COL17A1: variants seen among roughly 807,000 people sequenced by gnomAD.
COL17A1 encodes the protein collagen type XVII alpha 1 chain.
A neutral mutation model predicts 218.4 loss-of-function variants in COL17A1; 181 were observed. That is an observed-to-expected ratio of 0.83 (90% CI 0.73 to 0.94). The LOEUF (loss-of-function observed/expected upper bound fraction) is 0.94. Among genes scored for constraint, COL17A1 ranks in the 40% least tolerant of loss-of-function variants. The pLI, the probability that COL17A1 is intolerant of heterozygous loss-of-function variation, is 0.00. For missense variants in COL17A1, 1,924 were observed against 1,945.9 expected (o/e 0.99, Z 0.21); for synonymous variants, 721 against 731.0 (o/e 0.99, Z 0.22).
chr10:104,045,740 A>G lies in COL17A1; in HGVS notation c.2398+18T>C. ...TGGCCAGTGAAAAGAAAGAAATCTC[A>G]TTTGGAAATTCACTTACCTTTTATT... On this transcript the variant is annotated intron_variant, in intron 33 of 55. Coordinates refer to ENST00000648076, the MANE Select transcript of COL17A1 (RefSeq NM_000494.4). The G allele has an allele frequency of 6.2e-7, 1 of 1,602,470 alleles. No individual in the cohort carries two copies. The highest frequency in any genetic ancestry group is 8.6e-7 in the Non-Finnish European group (1 of 1,169,370).
rs372717490 is a variant in COL17A1 at position 104,043,753 on chromosome 10, C to T, written c.2434+72G>A. 807 of 1,584,016 alleles carry T rather than the reference C, an allele frequency of 5.1e-4. 2 individuals carry two copies. The highest frequency in any genetic ancestry group is 6.3e-4 in the Non-Finnish European group (731 of 1,152,706). Reference sequence around the variant, plus strand: ...ACTCCCAGCCACATCCTGCCCAGAACGCTGCAGAGTCAAGGTAGGTGCCCA... The same window carrying T: ...ACTCCCAGCCACATCCTGCCCAGAATGCTGCAGAGTCAAGGTAGGTGCCCA... On this transcript the variant is annotated intron_variant, in intron 34 of 55. Transcript: ENST00000648076.
At position 104,076,361 on chromosome 10, in the gene COL17A1, G is replaced by A. The variant is rs1321190167; in HGVS notation, c.271C>T (p.Pro91Ser). Residue 91 changes from proline to serine, a missense_variant, in exon 5 of 56, where the codon CCC (proline) becomes TCC (serine). Physicochemically the swap from Pro to Ser is moderately conservative, Grantham distance 74. Coordinates refer to ENST00000648076, the MANE Select transcript of COL17A1 (RefSeq NM_000494.4). The part of the protein sequence containing the change: ...RRAHSPASTL[P>S]NSPGSTFERK... ...TCAAAGGTTGAGCCTGGGGAGTTGG[G>A]CAGAGTGGAGGCAGGTGAGTGAGCC... 1.9e-6 allele frequency: 3 copies of A among 1,614,092 alleles called. No homozygotes were observed. The highest frequency in any genetic ancestry group is 2.5e-6 in the Non-Finnish European group (3 of 1,180,034).
intron 9 of COL17A1, among the ~76,000 whole-genome samples, chr10:104,069,103 A>G (rs12253323): frequency 0.04 from 6,034 of 152,300 alleles, 394 homozygotes; most frequent in African/African-American, 0.14. Flanking sequence ...AGAATAAACA[A>G]AAAAGTAGTT....
rs550772409 is a variant in COL17A1 at position 104,038,975 on chromosome 10, G to C, written c.2947+96C>G. 1.8e-5 allele frequency: 24 copies of C among 1,330,794 alleles called. 1 individual carries two copies. The South Asian group carries it at 2.5e-4, about 14-fold the overall frequency. 82.4% of individuals were successfully genotyped at this position (1,330,794 alleles called of 1,614,324 possible). ...GACAGCCAATCAACAACGAATCATG[G>C]AGAAATGAATGAACGAATAGAGCAA... On this transcript the variant is annotated intron_variant, in intron 44 of 55. Transcript: ENST00000648076.
At chr10:104,035,988 G>A (rs575739277) in intron 48 of COL17A1, among the ~76,000 whole-genome samples, 10 of 145,806 alleles carry the variant, frequency 6.9e-5, no homozygotes, top group South Asian at 2.3e-4. Flanking sequence ...ATGGGAATGC[G>A]TGTGTGTATG....
chr10:104,044,344 G>A (rs962870040), intron 33 of COL17A1, among the ~76,000 whole-genome samples: 4 of 152,210 alleles, frequency 2.6e-5, no homozygotes, highest in African/African-American at 9.6e-5. Flanking sequence ...GAAGGTCTGA[G>A]TTATATAAAG....
chr10:104,033,991 A>G lies in COL17A1; in HGVS notation c.4110T>C (p.Asp1370=). 1.2e-6 allele frequency: 2 copies of G among 1,614,078 alleles called. No homozygotes were observed. The highest frequency in any genetic ancestry group is 3.3e-5 in the Admixed American group (2 of 60,024). The change falls in exon 52 of 56, where the codon GAT becomes GAC. Residue 1370 remains aspartate, a synonymous_variant. Coordinates refer to ENST00000648076, the MANE Select transcript of COL17A1 (RefSeq NM_000494.4). ...GGLLGADFAG[D]LDYNELAVRV... ...TCACAGCCAGCTCATTGTAATCCAG[A>G]TCTCCAGCAAAGTCAGCTCCCAATA...
chr10:104,050,257 AG>A (rs545725326), intron 27 of COL17A1, 133 bp from the exon 28 acceptor site: 5 of 1,339,496 alleles, frequency 3.7e-6, no homozygotes, highest in Non-Finnish European at 5.2e-6. Context: ...GATGTTGGTG[AG>A]GACACAGCAT....
rs149685665 is a variant in COL17A1, at chr10:104,077,438, G to T, written c.186C>A (p.Ser62Arg). The T allele has an allele frequency of 1.9e-6, 3 of 1,612,674 alleles. No homozygotes were observed. Among genetic ancestry groups the T allele is most frequent in the South Asian group, 2.2e-5 (2 of 90,656 alleles). Residue 62 changes from serine (S) to arginine (R), a missense_variant, in exon 4 of 56, where the codon AGC becomes AGA. Physicochemically the swap from Ser to Arg is moderately radical, Grantham distance 110. Transcript: ENST00000648076. ...LEKQSLTHGS[S>R]GYINSTGSTR... Reference sequence around the variant, plus strand: ...GGCACTCACTTGAGTTTATGTAGCCGCTGCTGCCATGAGTCAGGCTTTGTT... The same window carrying T: ...GGCACTCACTTGAGTTTATGTAGCCTCTGCTGCCATGAGTCAGGCTTTGTT...
rs1396336315 is a variant in COL17A1, at chr10:104,082,333, T to C, written c.-11-1649A>G. On this transcript the variant is annotated intron_variant, in intron 1 of 55. Transcript: ENST00000648076. Reference sequence around the variant, plus strand: ...TTCCAGCTATAACCTATATGACTTATGTCATGCAAACCTACGTGCAACTGG... The same window carrying C: ...TTCCAGCTATAACCTATATGACTTACGTCATGCAAACCTACGTGCAACTGG... Among the ~76,000 whole-genome samples, 9 of 152,358 alleles carry C rather than the reference T, an allele frequency of 5.9e-5. No homozygotes were observed. The East Asian group carries it at 1.7e-3, about 29-fold the overall frequency.
chr10:104,059,852 C>T lies in COL17A1; in HGVS notation c.1142-134G>A, dbSNP rs7081417. 989 of 1,065,538 alleles carry T rather than the reference C, an allele frequency of 9.3e-4. 5 individuals carry two copies. The African/African-American group carries it at 0.01, about 11-fold the overall frequency. The allele number at this position is 1,065,538 out of a possible 1,614,324, so 66.0% of individuals were successfully genotyped here. A position where few individuals can be genotyped will look rare whatever the true frequency, so the allele number is the denominator to read the frequency against. ...AGACTGGTAAGAAGAGCCCCTCTTTCCTGGGGTTCATCTCCCCTGATCTGT... is the reference window on the plus strand; with the variant it reads ...AGACTGGTAAGAAGAGCCCCTCTTTTCTGGGGTTCATCTCCCCTGATCTGT... On this transcript the variant is annotated intron_variant, in intron 14 of 55. Transcript: ENST00000648076.
At chr10:104,082,543 G>A (rs1381269238) in intron 1 of COL17A1, among the ~76,000 whole-genome samples, 1 of 152,198 alleles carries the variant, frequency 6.6e-6, no homozygotes, top group East Asian at 1.9e-4. Context: ...GAACTGATAT[G>A]AAATATTATC....
chr10:104,050,944 G>A (rs2086463506), intron 25 of COL17A1, 43 bp from the exon 26 acceptor site: 2 of 1,613,596 alleles, frequency 1.2e-6, no homozygotes, highest in South Asian at 1.1e-5. Flanking sequence ...AGTATCCCTA[G>A]CTTTGGAATG....
intron 51 of COL17A1, 58 bp downstream of exon 51, chr10:104,034,563 A>G: frequency 6.3e-7 from 1 of 1,582,544 alleles, no homozygotes; most frequent in Non-Finnish European, 8.6e-7. Context: ...TGCCCCACTT[A>G]CAGGGAAAAG....
intron 32 of COL17A1, 21 bp downstream of exon 32, chr10:104,046,726 G>A: frequency 6.2e-7 from 1 of 1,613,266 alleles, no homozygotes; most frequent in Non-Finnish European, 8.5e-7. Flanking sequence ...GACAGCAGGT[G>A]GGAATGATCC....
chr10:104,038,089 G>A (rs768260820), intron 45 of COL17A1, among the ~76,000 whole-genome samples: 6 of 152,164 alleles, frequency 3.9e-5, no homozygotes, highest in Non-Finnish European at 7.4e-5. Flanking sequence ...GGATGAGCAC[G>A]TGCGCCAGCC....
At chr10:104,052,936 G>A in intron 23 of COL17A1, 95 bp downstream of exon 23, 3 of 1,430,684 alleles carry the variant, frequency 2.1e-6, no homozygotes, top group Non-Finnish European at 2.0e-6. Context: ...AGGAAGGGGG[G>A]AGAAACAGAG....
intron 14 of COL17A1, 21 bp from the exon 15 acceptor site, chr10:104,059,739 A>G: frequency 6.2e-7 from 1 of 1,610,492 alleles, no homozygotes; most frequent in Admixed American, 1.7e-5. Flanking sequence ...AACCCATTAT[A>G]ACCTGGCATA....
chr10:104,074,294 G>T (rs2086691494), intron 5 of COL17A1, 63 bp from the exon 6 acceptor site: 2 of 1,612,118 alleles, frequency 1.2e-6, no homozygotes, highest in Non-Finnish European at 1.7e-6. Context: ...TTCCAAAACG[G>T]GAGGTAGTGC....
Sources: allele counts gnomAD v4.1 joint callset (sites outside exome capture counted in the v4.1 genomes callset), GRCh38; gene constraint gnomAD v4.1.1; transcripts MANE v1.5; gene names NCBI Gene and HGNC (gene_info 2026-07-23, HGNC 2026-07-21).